The following RNF123 variants were observed in gnomAD, a reference collection of about 807,000 sequenced individuals.
The protein encoded by RNF123 is ring finger protein 123.
RNF123 carries 86 observed loss-of-function variants against 168.5 expected under a neutral mutation model. The ratio of observed to expected loss-of-function variants is 0.51; its 90% CI spans 0.43 to 0.61. RNF123 has a LOEUF of 0.61. Among genes scored for constraint, RNF123 ranks in the 20% least tolerant of loss-of-function variants. RNF123 has a pLI of 0.00. For missense variants in RNF123, 1,419 were observed against 1,729.7 expected, an observed-to-expected ratio of 0.82 and a Z score of 3.19; for synonymous variants, 666 against 689.1, an observed-to-expected ratio of 0.97 and a Z score of 0.52.
chr3:49,700,443 C>G (rs748632217), intron 13 of RNF123, 29 bp from the exon 14 acceptor site: 5 of 1,612,676 alleles, frequency 3.1e-6, no homozygotes, highest in Non-Finnish European at 4.2e-6. Flanking sequence ...AGGCCCCAGT[C>G]ATGGCTGCCT....
Position 49,699,408 on chromosome 3 carries a change from T to G in RNF123, c.765-60T>G. On this transcript the variant is annotated intron_variant, in intron 10 of 38. Coordinates refer to ENST00000327697, the MANE Select transcript of RNF123 (RefSeq NM_022064.5). The surrounding 1 kb of genome is among the most constrained non-coding windows in gnomAD (Gnocchi z 4.8). ...AGGCCCCGGGGTGGGGGGTGGGCAG[T>G]GGAGAGGGAGTAGGCATGTCTGAGC... 2.2e-6 allele frequency: 3 copies of G among 1,393,750 alleles called. No individual in the cohort carries two copies. Among genetic ancestry groups the G allele is most frequent in the African/African-American group, 1.4e-5 (1 of 69,578 alleles). The allele number at this position is 1,393,750 out of a possible 1,614,324, so 86.3% of individuals were successfully genotyped here. A position where few individuals can be genotyped will look rare whatever the true frequency, so the allele number is the denominator to read the frequency against.
rs368579233 is a variant in RNF123, at chr3:49,715,503, G to A, written c.3011-72G>A. ...TCCTTATACCAAAGCCTCAATGGGCGAGGACAGAGGCAAACAGGCAGAGGC... is the reference window on the plus strand; with the variant it reads ...TCCTTATACCAAAGCCTCAATGGGCAAGGACAGAGGCAAACAGGCAGAGGC... On this transcript the variant is annotated intron_variant, in intron 31 of 38. Transcript: ENST00000327697. 3.3e-5 allele frequency: 53 copies of A among 1,584,612 alleles called. No individual in the cohort carries two copies. In the African/African-American group the frequency reaches 5.5e-4, roughly 16 times the overall value.
Position 49,705,043 on chromosome 3 carries a change from C to G in RNF123, c.2019C>G (p.Leu673=), listed in dbSNP as rs1368595784. 1.9e-6 allele frequency: 3 copies of G among 1,610,982 alleles called. No homozygotes were observed. The African/African-American group carries it at 4.0e-5, about 22-fold the overall frequency. ...TGCCCCTGCCCCGGCCCGGCTGGCT[C>G]AGTTCTCCAACTTTGGGCCGAGCCA... ...GPLPLPRPGW[L]SSPTLGRANR... The change falls in exon 23 of 39, where the codon CTC becomes CTG. Residue 673 remains leucine (L), a synonymous_variant. Coordinates refer to ENST00000327697, the MANE Select transcript of RNF123 (RefSeq NM_022064.5).
chr3:49,717,687 C>T (rs1449447361), intron 35 of RNF123: 1 of 560,674 alleles, frequency 1.8e-6, no homozygotes. Context: ...ACTAGGAAGT[C>T]CGCGGGAAAG....
chr3:49,698,767 G>A lies in RNF123; in HGVS notation c.583G>A (p.Gly195Arg). The stretch of plus-strand genomic sequence containing the variant: ...CCTCTCATGGCAGGCGTGGGCAGCG[G>A]GGGACATCGTGAGCTGCCTGATTGA... ...TTNYGKAWAA[G>R]DIVSCLIDLD... The change falls in exon 9 of 39, where the codon GGG (glycine) becomes AGG (arginine). Residue 195 changes from glycine (G) to arginine (R), a missense_variant. Physicochemically the swap from Gly to Arg is moderately radical, Grantham distance 125. Coordinates refer to ENST00000327697, the MANE Select transcript of RNF123 (RefSeq NM_022064.5). 1 of 1,613,830 alleles carries A rather than the reference G, an allele frequency of 6.2e-7. No individual in the cohort carries two copies. Among genetic ancestry groups the A allele is most frequent in the Non-Finnish European group, 8.5e-7 (1 of 1,179,950 alleles).
intron 35 of RNF123, chr3:49,718,416 GAA>G: frequency 6.2e-7 from 1 of 1,612,982 alleles, no homozygotes; most frequent in Non-Finnish European, 8.5e-7. Context: ...CCAGGCACAC[GAA>G]GAGTCCCGCA....
chr3:49,718,234 C>T (rs757220252), intron 35 of RNF123: 15 of 1,611,744 alleles, frequency 9.3e-6, no homozygotes, highest in Non-Finnish European at 1.1e-5. Context: ...GCAGGCACGG[C>T]GGCAGCAGCG....
rs1173004471 is a variant in RNF123 at position 49,699,894 on chromosome 3, C to A, written c.984+122C>A. 2.0e-6 allele frequency: 2 copies of A among 979,106 alleles called. No homozygotes were observed. Among genetic ancestry groups the A allele is most frequent in the Non-Finnish European group, 3.1e-6 (2 of 649,672 alleles). The allele number at this position is 979,106 out of a possible 1,614,324, so 60.7% of individuals were successfully genotyped here. A position where few individuals can be genotyped will look rare whatever the true frequency, so the allele number is the denominator to read the frequency against. On this transcript the variant is annotated intron_variant, in intron 12 of 38. Transcript: ENST00000327697. This position sits in a 1 kb window ranked among gnomAD's most constrained non-coding sequence, Gnocchi z 4.8. Reference sequence around the variant, plus strand: ...GTCCCACAGCATCACCTGGCGAGGGCCCCATGTGACCAGGGCCCTCAGACC... The same window carrying A: ...GTCCCACAGCATCACCTGGCGAGGGACCCATGTGACCAGGGCCCTCAGACC...
intron 26 of RNF123, among the ~76,000 whole-genome samples, chr3:49,707,397 C>T (rs1316313657): frequency 2.6e-5 from 4 of 152,168 alleles, no homozygotes; most frequent in Admixed American, 6.5e-5. Context: ...GACACACACA[C>T]ATTAATAAGT....
rs753200640 is a variant in RNF123 at position 49,705,231 on chromosome 3, T to C, written c.2158+49T>C. ...AGGTCCCCGAAGGACCCTTCCACAG[T>C]GTACAGTCCCCGATCCGGGCAAAGC... On this transcript the variant is annotated intron_variant, in intron 23 of 38. Transcript: ENST00000327697. 6 of 1,553,884 alleles carry C rather than the reference T, an allele frequency of 3.9e-6. No individual in the cohort carries two copies. In the Admixed American group the frequency reaches 1.2e-4, roughly 30 times the overall value.
Position 49,713,834 on chromosome 3 carries a change from G to T in RNF123, c.2837+9G>T. 1.2e-6 allele frequency: 2 copies of T among 1,613,178 alleles called. No homozygotes were observed. The highest frequency in any genetic ancestry group is 1.7e-6 in the Non-Finnish European group (2 of 1,179,832). On this transcript the variant is annotated intron_variant, in intron 29 of 38. Transcript: ENST00000327697. ...CGAATCCCCGAGGAGCAGTGAGTGG[G>T]GCCTGGGGGGCACACACCCTGGCCA... is the stretch of plus-strand genomic sequence containing the variant.
At chr3:49,719,699 A>G in intron 35 of RNF123, 1 of 506,776 alleles carries the variant, frequency 2.0e-6, no homozygotes, top group Non-Finnish European at 3.6e-6. Flanking sequence ...CGAGTTCCTG[A>G]TCGGCTCCTA....
chr3:49,697,181 A>T lies in RNF123; in HGVS notation c.206A>T (p.Asp69Val), dbSNP rs143082669. ...LNFQNLPEHL[D>V]QLLQVDNEEE... ...TTCCAGAACCTGCCAGAACATTTGG[A>T]CCAGTTGCTACAGGTGGACAATGAG... is the stretch of plus-strand genomic sequence containing the variant. Residue 69 changes from aspartate to valine, a missense_variant, in exon 4 of 39, where the codon GAC (aspartate) becomes GTC (valine). Coordinates refer to ENST00000327697, the MANE Select transcript of RNF123 (RefSeq NM_022064.5). 3.7e-6 allele frequency: 6 copies of T among 1,613,946 alleles called. No individual in the cohort carries two copies. Among genetic ancestry groups the T allele is most frequent in the African/African-American group, 1.3e-5 (1 of 74,868 alleles).
chr3:49,718,362 G>T, intron 35 of RNF123: 11 of 1,613,418 alleles, frequency 6.8e-6, no homozygotes, highest in Non-Finnish European at 8.5e-6. Flanking sequence ...GCACGCTCAC[G>T]TTGTACTCGT....
chr3:49,697,337 C>T, intron 4 of RNF123, 26 bp from the exon 5 acceptor site: 3 of 1,602,678 alleles, frequency 1.9e-6, no homozygotes, highest in Admixed American at 1.7e-5. Context: ...CTCCACCCTG[C>T]CTGACCCCAC....
intron 1 of RNF123, chr3:49,689,820 G>C (rs183827603): frequency 3.9e-5 from 6 of 152,302 alleles, no homozygotes; most frequent in African/African-American, 9.6e-5. Context: ...GCTCCCAGAC[G>C]GAGTAGGTTC....
At chr3:49,709,305 A>ATT (rs1051925055) in intron 26 of RNF123, among the ~76,000 whole-genome samples, 1 of 78,466 alleles carries the variant, frequency 1.3e-5, no homozygotes. Flanking sequence ...CTAATTTTGT[A>ATT]TTTTTTTTTT....
chr3:49,705,220 C>T (rs368485481), intron 23 of RNF123, 38 bp downstream of exon 23: 3 of 1,566,642 alleles, frequency 1.9e-6, no homozygotes, highest in South Asian at 2.3e-5. Flanking sequence ...CCCCGAAGGA[C>T]CCTTCCACAG....
chr3:49,700,198 C>A, intron 12 of RNF123, 29 bp from the exon 13 acceptor site: 1 of 1,612,834 alleles, frequency 6.2e-7, no homozygotes, highest in South Asian at 1.1e-5. Context: ...GGAAGGCCAC[C>A]ACCTCACCAG....
Sources: gnomAD v4.1 joint callset for allele counts (sites outside exome capture counted in the v4.1 genomes callset) on GRCh38, gnomAD v4.1.1 for gene constraint, Gnocchi (gnomAD v3.1) non-coding constraint, MANE v1.5 for transcripts, NCBI Gene and HGNC (gene_info 2026-07-23, HGNC 2026-07-21) for gene names.